Variants in GADL1 observed in about 807,000 individuals in gnomAD.
GADL1 encodes GAD like acidic amino acid decarboxylase 1.
GADL1 carries 71 observed loss-of-function variants against 69.5 expected under a neutral mutation model. The observed-to-expected ratio is 1.02, with a 90% CI of 0.84 to 1.25. The LOEUF is 1.25. GADL1 is among the 50% of genes most tolerant of loss of function. GADL1 has a pLI of 0.00. For missense variants in GADL1, 737 were observed against 631.8 expected, an observed-to-expected ratio of 1.17 and a Z score of -1.79; for synonymous variants, 254 against 214.4, an observed-to-expected ratio of 1.18 and a Z score of -1.62.
At chr3:30,831,577 TCC>T (rs1382377347) in intron 11 of GADL1, among the ~76,000 whole-genome samples, 1 of 152,020 alleles carries the variant, frequency 6.6e-6, no homozygotes, top group Admixed American at 6.6e-5. Context: ...ACCAAGACTT[TCC>T]CTTTGTTTCT....
chr3:30,788,931 C>T (rs1696855230), intron 12 of GADL1, among the ~76,000 whole-genome samples: 1 of 152,106 alleles, frequency 6.6e-6, no homozygotes, highest in African/African-American at 2.4e-5. Flanking sequence ...TCAGTGACTT[C>T]CTTCCCTGAA....
At chr3:30,762,497 C>T (rs1334489526) in intron 14 of GADL1, among the ~76,000 whole-genome samples, 2 of 152,086 alleles carry the variant, frequency 1.3e-5, no homozygotes, top group African/African-American at 2.4e-5. Context: ...TTTGTGGGCA[C>T]CATAGTAGGT....
At chr3:30,799,115 C>A (rs1697110137) in intron 12 of GADL1, 1 of 152,316 alleles carries the variant, frequency 6.6e-6, no homozygotes. Flanking sequence ...GCCTTTGTCT[C>A]ATAGCTCCAC....
chr3:30,832,272 C>T (rs1035204010), intron 11 of GADL1, among the ~76,000 whole-genome samples: 1 of 151,294 alleles, frequency 6.6e-6, no homozygotes, highest in Non-Finnish European at 1.5e-5. Context: ...ATTCCCCTAA[C>T]CTCTTAATTC....
intron 14 of GADL1, among the ~76,000 whole-genome samples, chr3:30,751,316 C>G (rs1282713331): frequency 1.3e-5 from 2 of 151,916 alleles, no homozygotes; most frequent in Middle Eastern, 3.2e-3. Context: ...GCCCTGGGAC[C>G]ATTGTGGTAA....
In GADL1 at chr3:30,844,577, CATT is replaced by C. The variant is rs563046908; in HGVS notation, c.652-114_652-112del. 8.6e-5 allele frequency: 64 copies of C among 742,020 alleles called. No homozygotes were observed. In the African/African-American group the frequency reaches 1.0e-3, roughly 12 times the overall value. 46.0% of individuals were successfully genotyped at this position (742,020 alleles called of 1,614,324 possible). A position where few individuals can be genotyped will look rare whatever the true frequency, so the allele number is the denominator to read the frequency against. On this transcript the variant is annotated intron_variant, in intron 6 of 14. Transcript: ENST00000282538. ...GTATGGCTGAGCACAATCTTTGGGA[CATT>C]ATTGCATAAAAAAGTAATTTAATTG...
chr3:30,735,445 G>A (rs955108011), intron 14 of GADL1, among the ~76,000 whole-genome samples: 1 of 152,114 alleles, frequency 6.6e-6, no homozygotes, highest in Non-Finnish European at 1.5e-5. Context: ...CTATACAATG[G>A]AATACTACTC....
At chr3:30,827,726 T>C (rs558304925) in intron 11 of GADL1, among the ~76,000 whole-genome samples, 4 of 152,024 alleles carry the variant, frequency 2.6e-5, no homozygotes, top group South Asian at 2.1e-4. Context: ...ATTTTAAAAA[T>C]ACAAGAATTA....
At chr3:30,822,687 A>G (rs1456272199) in intron 11 of GADL1, among the ~76,000 whole-genome samples, 1 of 152,062 alleles carries the variant, frequency 6.6e-6, no homozygotes, top group Non-Finnish European at 1.5e-5. Flanking sequence ...ATCATATAAT[A>G]CTTTTAAAAT....
At chr3:30,813,943 G>A (rs960537514) in intron 11 of GADL1, among the ~76,000 whole-genome samples, 2 of 152,102 alleles carry the variant, frequency 1.3e-5, no homozygotes, top group Admixed American at 6.6e-5. Flanking sequence ...GACAAAAAAC[G>A]TTTCCACTAT....
At chr3:30,759,892 C>A (rs1224254624) in intron 14 of GADL1, among the ~76,000 whole-genome samples, 1 of 152,188 alleles carries the variant, frequency 6.6e-6, no homozygotes, top group East Asian at 1.9e-4. Flanking sequence ...TGCTCTTATG[C>A]AGGTGGACTT....
chr3:30,766,866 A>G (rs1026805372), intron 14 of GADL1, among the ~76,000 whole-genome samples: 1 of 152,192 alleles, frequency 6.6e-6, no homozygotes, highest in African/African-American at 2.4e-5. Flanking sequence ...CATGAGTGAC[A>G]TATTGAGAGT....
intron 14 of GADL1, among the ~76,000 whole-genome samples, chr3:30,757,859 A>G (rs1696017363): frequency 6.7e-6 from 1 of 150,324 alleles, no homozygotes; most frequent in South Asian, 2.1e-4. Flanking sequence ...TCAGATTATC[A>G]GCAGTTCAGC....
At chr3:30,841,399 AAT>A (rs1227010516) in intron 8 of GADL1, among the ~76,000 whole-genome samples, 2 of 152,148 alleles carry the variant, frequency 1.3e-5, no homozygotes, top group Admixed American at 1.3e-4. Flanking sequence ...TCAAAACAAA[AAT>A]TTGAGCGACA....
chr3:30,890,564 T>C (rs1698773318), intron 1 of GADL1, among the ~76,000 whole-genome samples: 1 of 152,364 alleles, frequency 6.6e-6, no homozygotes, highest in African/African-American at 2.4e-5. Flanking sequence ...ATGAATCACC[T>C]GGACTCTTAA....
chr3:30,862,193 T>G (rs1025582888), intron 1 of GADL1, among the ~76,000 whole-genome samples: 1 of 151,918 alleles, frequency 6.6e-6, no homozygotes, highest in Non-Finnish European at 1.5e-5. Context: ...AGAGAGTAAA[T>G]ATTCATTGGC....
In GADL1 at chr3:30,866,029, T is replaced by C. The variant is rs533307028; in HGVS notation, c.38-4264A>G. On this transcript the variant is annotated intron_variant, in intron 1 of 14. Coordinates refer to ENST00000282538, the MANE Select transcript of GADL1 (RefSeq NM_207359.3). ...ATTCAGCTTCAAATATTGTTTCAGA[T>C]TTTGAGAGATAGCCTCTTCCTCTGA... Among the ~76,000 whole-genome samples the C allele has an allele frequency of 5.8e-4, 88 of 152,192 alleles. 1 individual carries two copies. The highest frequency in any genetic ancestry group is 2.0e-3 in the African/African-American group (82 of 41,564).
intron 11 of GADL1, among the ~76,000 whole-genome samples, chr3:30,817,720 C>T (rs1353243831): frequency 6.6e-6 from 1 of 152,152 alleles, no homozygotes; most frequent in Admixed American, 6.5e-5. Flanking sequence ...TAAATGAATG[C>T]ACCAGTATTT....
At chr3:30,875,381 C>T (rs756250179) in intron 1 of GADL1, among the ~76,000 whole-genome samples, 1 of 151,840 alleles carries the variant, frequency 6.6e-6, no homozygotes, top group African/African-American at 2.4e-5. Flanking sequence ...TATCCTCATT[C>T]CCATATGAGG....
Sources: allele counts gnomAD v4.1 joint callset (sites outside exome capture counted in the v4.1 genomes callset), GRCh38; gene constraint gnomAD v4.1.1; transcripts MANE v1.5; gene names NCBI Gene and HGNC (gene_info 2026-07-23, HGNC 2026-07-21).